Variants in CCDC175 observed in about 807,000 individuals in gnomAD.
The protein encoded by CCDC175 is coiled-coil domain containing 175.
A neutral mutation model predicts 114.6 loss-of-function variants in CCDC175; 100 were observed. That is an observed-to-expected ratio of 0.87 (90% CI 0.74 to 1.03). The LOEUF (loss-of-function observed/expected upper bound fraction) is 1.03, where lower values mean the gene tolerates loss of function less well. Among genes scored for constraint, CCDC175 ranks in the 50% least tolerant of loss-of-function variants. CCDC175 has a pLI of 0.00. For missense variants in CCDC175, 880 were observed against 917.8 expected (o/e 0.96, Z 0.53); for synonymous variants, 306 against 308.7 (o/e 0.99, Z 0.09).
chr14:59,570,201 C>G (rs1896768047), intron 3 of CCDC175, among the ~76,000 whole-genome samples: 1 of 152,176 alleles, frequency 6.6e-6, no homozygotes, highest in Non-Finnish European at 1.5e-5. Context: ...CTGCTGGGCA[C>G]TGTGGACTGC....
chr14:59,535,299 G>C (rs1217674754), intron 13 of CCDC175, among the ~76,000 whole-genome samples: 3 of 152,106 alleles, frequency 2.0e-5, no homozygotes, highest in African/African-American at 4.8e-5. Context: ...TAGTGGTTTT[G>C]CAGTTGATTT....
chr14:59,552,317 C>T (rs910052792), intron 7 of CCDC175, among the ~76,000 whole-genome samples: 1 of 152,256 alleles, frequency 6.6e-6, no homozygotes, highest in African/African-American at 2.4e-5. Context: ...CAGCAATATT[C>T]ACTGTTCTGC....
chr14:59,548,009 C>T (rs1365440913), intron 8 of CCDC175, among the ~76,000 whole-genome samples: 1 of 152,098 alleles, frequency 6.6e-6, no homozygotes, highest in Non-Finnish European at 1.5e-5. Flanking sequence ...CTTCTATGTT[C>T]ATTGCAGCAC....
At chr14:59,535,175 A>G (rs1894318933) in intron 13 of CCDC175, among the ~76,000 whole-genome samples, 1 of 152,170 alleles carries the variant, frequency 6.6e-6, no homozygotes, top group Non-Finnish European at 1.5e-5. Flanking sequence ...CTATATAATA[A>G]TGGTGCACAG....
intron 17 of CCDC175, among the ~76,000 whole-genome samples, chr14:59,516,741 C>T (rs1354802087): frequency 6.6e-6 from 1 of 152,264 alleles, no homozygotes; most frequent in Middle Eastern, 3.4e-3. Flanking sequence ...ACCAGAGGTA[C>T]AAGGAGGAGC....
At chr14:59,547,025 A>T (rs1895153715) in intron 8 of CCDC175, among the ~76,000 whole-genome samples, 1 of 152,090 alleles carries the variant, frequency 6.6e-6, no homozygotes, top group South Asian at 2.1e-4. Flanking sequence ...GGATCACTTG[A>T]GCCCAGGAGT....
intron 8 of CCDC175, among the ~76,000 whole-genome samples, chr14:59,545,677 A>C (rs1193070085): frequency 6.6e-6 from 1 of 152,216 alleles, no homozygotes; most frequent in Non-Finnish European, 1.5e-5. Flanking sequence ...AGTTGATATT[A>C]TGCTTGCTTC....
At position 59,538,197 on chromosome 14, in the gene CCDC175, A is replaced by G. The variant is rs562804918; in HGVS notation, c.1492-43T>C. 14 of 1,489,376 alleles carry G rather than the reference A, an allele frequency of 9.4e-6. No individual in the cohort carries two copies. The African/African-American group carries it at 2.0e-4, about 21-fold the overall frequency. The allele number at this position is 1,489,376 out of a possible 1,614,324, so 92.3% of individuals were successfully genotyped here. A position where few individuals can be genotyped will look rare whatever the true frequency, so the allele number is the denominator to read the frequency against. On this transcript the variant is annotated intron_variant, in intron 12 of 19. Coordinates refer to ENST00000537690, the MANE Select transcript of CCDC175 (RefSeq NM_001164399.2). ...AGAATTTGTCATTTCTCTTGTAGTG[A>G]TCAGCCTTACATTTTCGAATAGCCA...
Position 59,576,689 on chromosome 14 carries a change from C to T in CCDC175, c.87G>A (p.Glu29=). 6.7e-7 allele frequency: 1 copy of T among 1,488,282 alleles called. No individual in the cohort carries two copies. The highest frequency in any genetic ancestry group is 2.8e-5 in the East Asian group (1 of 35,618). The allele number at this position is 1,488,282 out of a possible 1,614,324, so 92.2% of individuals were successfully genotyped here. A position where few individuals can be genotyped will look rare whatever the true frequency, so the allele number is the denominator to read the frequency against. The change falls in exon 1 of 20, where the codon GAG becomes GAA. Residue 29 remains glutamate, a synonymous_variant. Coordinates refer to ENST00000537690, the MANE Select transcript of CCDC175 (RefSeq NM_001164399.2). The part of the protein sequence containing the change: ...AAAVSTGPSL[E]LCTLPSTLGS... Reference sequence around the variant, plus strand: ...CCAGGGTGGAGGGTAAGGTGCATAACTCCAGGGAGGGGCCAGTGGAGACGG... The same window carrying T: ...CCAGGGTGGAGGGTAAGGTGCATAATTCCAGGGAGGGGCCAGTGGAGACGG...
Position 59,538,134 on chromosome 14 carries a change from C to T in CCDC175, c.1512G>A (p.Glu504=), listed in dbSNP as rs1452926262. 6.5e-7 allele frequency: 1 copy of T among 1,534,712 alleles called. No individual in the cohort carries two copies. Among genetic ancestry groups the T allele is most frequent in the Admixed American group, 2.0e-5 (1 of 50,940 alleles). Residue 504 remains glutamate (E), a synonymous_variant, in exon 13 of 20, where the codon GAG becomes GAA. Coordinates refer to ENST00000537690, the MANE Select transcript of CCDC175 (RefSeq NM_001164399.2). ...LLNETSFRQQ[E]ISGFVAQIEK... is the part of the protein sequence containing the mutation. The stretch of plus-strand genomic sequence containing the variant: ...CAATCTGTGCCACAAATCCACTGAT[C>T]TCCTGTTGTCTGAAACTGGTCTAAT...
At chr14:59,517,807 T>C (rs1056824683) in intron 17 of CCDC175, among the ~76,000 whole-genome samples, 4 of 152,212 alleles carry the variant, frequency 2.6e-5, no homozygotes, top group African/African-American at 4.8e-5. Context: ...CTTCACAGAA[T>C]TGGAAAAAAC....
At chr14:59,550,542 C>G (rs1595047686) in intron 8 of CCDC175, among the ~76,000 whole-genome samples, 1 of 151,908 alleles carries the variant, frequency 6.6e-6, no homozygotes, top group East Asian at 1.9e-4. Flanking sequence ...TCTAGAGGGA[C>G]AGAACTAACA....
In CCDC175 at chr14:59,536,046, G is replaced by A. The variant is rs993170353; in HGVS notation, c.1623+1977C>T. On this transcript the variant is annotated intron_variant, in intron 13 of 19. Coordinates refer to ENST00000537690, the MANE Select transcript of CCDC175 (RefSeq NM_001164399.2). ...GAGAGAGTTTGTCAGGCTACATAAT[G>A]GCCTGACAGCTTTCCCTGCCCAATC... Among the ~76,000 whole-genome samples the A allele has an allele frequency of 4.6e-5, 7 of 152,146 alleles. No individual in the cohort carries two copies. The East Asian group carries it at 1.4e-3, about 29-fold the overall frequency.
rs111816271 is a variant in CCDC175, at chr14:59,513,693, C to T, written c.2099-1890G>A. Among the ~76,000 whole-genome samples, 329 of 152,292 alleles carry T rather than the reference C, an allele frequency of 2.2e-3. 1 individual carries two copies. Among genetic ancestry groups the T allele is most frequent in the African/African-American group, 6.9e-3 (288 of 41,578 alleles). On this transcript the variant is annotated intron_variant, in intron 17 of 19. Transcript: ENST00000537690. ...GAAGCTCAAACTGGGTAGAGCCCAC[C>T]GCAGCTCAAGGAGGCCTGCCTGCCT...
intron 7 of CCDC175, among the ~76,000 whole-genome samples, chr14:59,552,055 G>A (rs1021492158): frequency 4.0e-5 from 6 of 151,772 alleles, no homozygotes; most frequent in Admixed American, 2.0e-4. Flanking sequence ...GGACATAGCC[G>A]AACAAAAGGC....
chr14:59,576,790 T>G lies in CCDC175; in HGVS notation c.-15A>C. 2.8e-6 allele frequency: 4 copies of G among 1,429,548 alleles called. No homozygotes were observed. Among genetic ancestry groups the G allele is most frequent in the Non-Finnish European group, 3.6e-6 (4 of 1,102,552 alleles). The allele number at this position is 1,429,548 out of a possible 1,614,324, so 88.6% of individuals were successfully genotyped here. On this transcript the variant is annotated 5_prime_UTR_variant, in exon 1 of 20. Transcript: ENST00000537690. Reference sequence around the variant, plus strand: ...CTCAGGGCCATTTTGCCGCTCTACTTGAGCGCCTCCTAAGCCAGAGCCAAG... The same window carrying G: ...CTCAGGGCCATTTTGCCGCTCTACTGGAGCGCCTCCTAAGCCAGAGCCAAG...
intron 7 of CCDC175, among the ~76,000 whole-genome samples, chr14:59,557,469 G>C (rs951471104): frequency 1.5e-5 from 2 of 135,686 alleles, no homozygotes; most frequent in Admixed American, 1.5e-4. Flanking sequence ...CCTGTTGTGG[G>C]GTGGGGGGAG....
chr14:59,526,269 A>C (rs956826239), intron 15 of CCDC175, among the ~76,000 whole-genome samples: 1 of 152,128 alleles, frequency 6.6e-6, no homozygotes, highest in Admixed American at 6.6e-5. Flanking sequence ...TTTCTCCTTC[A>C]TATTTTCCTA....
intron 7 of CCDC175, among the ~76,000 whole-genome samples, chr14:59,559,714 A>C (rs1896123146): frequency 6.6e-6 from 1 of 152,160 alleles, no homozygotes; most frequent in Non-Finnish European, 1.5e-5. Context: ...ACTTTCTTTT[A>C]ATTTTCCAGG....
Sources: allele counts gnomAD v4.1 joint callset (sites outside exome capture counted in the v4.1 genomes callset), GRCh38; gene constraint gnomAD v4.1.1; transcripts MANE v1.5; gene names NCBI Gene and HGNC (gene_info 2026-07-23, HGNC 2026-07-21).